The following ERCC6 variants were observed in gnomAD, a reference collection of about 807,000 sequenced individuals.
ERCC6 encodes the protein ERCC excision repair 6, chromatin remodeling factor.
In ERCC6, 116 loss-of-function variants were observed where a neutral mutation model predicts 158.7. That is an observed-to-expected ratio of 0.73 (90% CI 0.63 to 0.85). The LOEUF (loss-of-function observed/expected upper bound fraction) is 0.85, where lower values mean the gene tolerates loss of function less well. Ranked by LOEUF, ERCC6 falls within the 40% of genes least tolerant of loss-of-function variation. The pLI, the probability that ERCC6 is intolerant of heterozygous loss-of-function variation, is 0.00. For missense variants in ERCC6, 1,698 were observed against 1,799.4 expected (o/e 0.94, Z 1.02); for synonymous variants, 678 against 659.3 (o/e 1.03, Z -0.43).
downstream of ERCC6, among the ~76,000 whole-genome samples, chr10:49,452,214 T>C (rs1181106473): frequency 6.6e-6 from 1 of 151,920 alleles, no homozygotes; most frequent in Non-Finnish European, 1.5e-5. Flanking sequence ...CTTTATTTCT[T>C]CCTTAATACA....
At chr10:49,501,154 C>T (rs1851349061) in intron 6 of ERCC6, 1 of 195,492 alleles carries the variant, frequency 5.1e-6, no homozygotes, top group Non-Finnish European at 1.1e-5. Context: ...AACACCACAA[C>T]CTATAGCTTA....
Position 49,521,515 on chromosome 10 carries a change from A to T in ERCC6, c.1397+2518T>A. On this transcript the variant is annotated intron_variant, in intron 5 of 20. Coordinates refer to ENST00000355832, the MANE Select transcript of ERCC6 (RefSeq NM_000124.4). Reference sequence around the variant, plus strand: ...AACCAACAGCCATAAGCAAATGGAAACCGTGGTAGCACAAAGTAAAATGAA... The same window carrying T: ...AACCAACAGCCATAAGCAAATGGAATCCGTGGTAGCACAAAGTAAAATGAA... 1.3e-5 allele frequency among the ~76,000 whole-genome samples: 2 copies of T among 152,266 alleles called. 1 individual carries two copies. Among genetic ancestry groups the T allele is most frequent in the East Asian group, 3.8e-4 (2 of 5,204 alleles).
At chr10:49,534,142 A>AC (rs1484248459) in intron 1 of ERCC6, among the ~76,000 whole-genome samples, 2 of 148,008 alleles carry the variant, frequency 1.4e-5, no homozygotes, top group South Asian at 2.3e-4. Context: ...TCAAAAAAAA[A>AC]AAAAAAAAAA....
chr10:49,473,981 G>A (rs756392659), intron 13 of ERCC6, 46 bp downstream of exon 13: 4 of 1,549,834 alleles, frequency 2.6e-6, no homozygotes, highest in East Asian at 2.2e-5. Context: ...GTTGATGGCT[G>A]TCATAAAGAA....
At chr10:49,520,367 A>G (rs1837122499) in intron 5 of ERCC6, among the ~76,000 whole-genome samples, 1 of 152,210 alleles carries the variant, frequency 6.6e-6, no homozygotes, top group African/African-American at 2.4e-5. Flanking sequence ...GAGGGCAGCA[A>G]CTTAAATAGT....
downstream of ERCC6, among the ~76,000 whole-genome samples, chr10:49,452,625 T>C (rs777321371): frequency 6.6e-6 from 1 of 152,140 alleles, no homozygotes; most frequent in Non-Finnish European, 1.5e-5. Context: ...AAGTTTTCTA[T>C]TTCATTGTTA....
At chr10:49,447,523 TA>T in the ERCC6 span, among the ~76,000 whole-genome samples, 1 of 151,686 alleles carries the variant, frequency 6.6e-6, no homozygotes, top group Non-Finnish European at 1.5e-5. Context: ...CCATCTCTAC[TA>T]AAAAAATACA....
At chr10:49,509,679 A>G (rs1196051525) in intron 5 of ERCC6, among the ~76,000 whole-genome samples, 1 of 152,186 alleles carries the variant, frequency 6.6e-6, no homozygotes, top group East Asian at 1.9e-4. Flanking sequence ...AAGAATTAAA[A>G]TCTGGGCCAA....
intron 6 of ERCC6, chr10:49,502,175 C>T (rs1403351351): frequency 6.6e-6 from 1 of 152,138 alleles, no homozygotes; most frequent in Admixed American, 6.6e-5. Flanking sequence ...GTAAATACGT[C>T]ATAATTAACT....
intron 5 of ERCC6, chr10:49,516,479 C>G (rs772435867): frequency 6.2e-7 from 1 of 1,614,160 alleles, no homozygotes; most frequent in South Asian, 1.1e-5. Context: ...CAGCACTAAC[C>G]AGTACATTAT....
intron 6 of ERCC6, chr10:49,502,091 C>T (rs1851365871): frequency 6.6e-6 from 1 of 152,030 alleles, no homozygotes; most frequent in Non-Finnish European, 1.5e-5. Context: ...CTATCTGGTA[C>T]CTATAGGTAT....
At chr10:49,506,939 A>G (rs1341878133) in intron 5 of ERCC6, among the ~76,000 whole-genome samples, 1 of 152,156 alleles carries the variant, frequency 6.6e-6, no homozygotes, top group African/African-American at 2.4e-5. Context: ...ATACAGAGAA[A>G]TGCTTTCAAA....
chr10:49,532,080 A>G (rs1296242334), intron 2 of ERCC6, among the ~76,000 whole-genome samples: 1 of 152,206 alleles, frequency 6.6e-6, no homozygotes, highest in African/African-American at 2.4e-5. Context: ...AAAACCGGGG[A>G]GTCTTTATTA....
intron 16 of ERCC6, among the ~76,000 whole-genome samples, chr10:49,471,843 G>C (rs1465761718): frequency 3.3e-5 from 5 of 152,182 alleles, no homozygotes; most frequent in African/African-American, 1.2e-4. Flanking sequence ...GGGGGAGTGG[G>C]AGAAGCTGGC....
chr10:49,521,234 G>T (rs944015749), intron 5 of ERCC6, among the ~76,000 whole-genome samples: 1 of 152,206 alleles, frequency 6.6e-6, no homozygotes, highest in Admixed American at 6.5e-5. Context: ...GAGGTAACAA[G>T]GACTGGGGAC....
chr10:49,444,110 C>A, the ERCC6 span, among the ~76,000 whole-genome samples: 3 of 152,206 alleles, frequency 2.0e-5, no homozygotes, highest in Non-Finnish European at 4.4e-5. Context: ...TAGGATCAGC[C>A]AAGGATTAGG....
At chr10:49,463,448 GTTAA>G (rs530759566) in intron 18 of ERCC6, among the ~76,000 whole-genome samples, 77 of 152,218 alleles carry the variant, frequency 5.1e-4, no homozygotes, top group African/African-American at 1.8e-3. Context: ...ATAGCTCTCT[GTTAA>G]TTAATACTGC....
chr10:49,438,710 G>A, the ERCC6 span, among the ~76,000 whole-genome samples: 4 of 152,146 alleles, frequency 2.6e-5, no homozygotes, highest in African/African-American at 9.7e-5. Context: ...GACAAGGAAA[G>A]TCCCTTCTGC....
rs535566582 is a variant in ERCC6 at position 49,486,539 on chromosome 10, AAC to A, written c.1822-3025_1822-3024del. ...AAACCTCTGAAAAGTGAGCCAAAATAACAGACTGAGATGTACAGCATCAGAAA... is the reference window on the plus strand; with the variant it reads ...AAACCTCTGAAAAGTGAGCCAAAATAAGACTGAGATGTACAGCATCAGAAA... On this transcript the variant is annotated intron_variant, in intron 8 of 20. Coordinates refer to ENST00000355832, the MANE Select transcript of ERCC6 (RefSeq NM_000124.4). Among the ~76,000 whole-genome samples the A allele has an allele frequency of 2.8e-3, 420 of 152,364 alleles. 1 individual carries two copies. Among genetic ancestry groups the A allele is most frequent in the African/African-American group, 9.8e-3 (409 of 41,592 alleles).
Sources: allele counts gnomAD v4.1 joint callset (sites outside exome capture counted in the v4.1 genomes callset), GRCh38; gene constraint gnomAD v4.1.1; transcripts MANE v1.5; gene names NCBI Gene and HGNC (gene_info 2026-07-23, HGNC 2026-07-21).